Variants in TJP1 observed in about 807,000 individuals in gnomAD.
TJP1 encodes the protein tight junction protein ZO-1.
In TJP1, 43 loss-of-function variants were observed where a neutral mutation model predicts 194.2. That is an observed-to-expected ratio of 0.22 (90% CI 0.17 to 0.29). The LOEUF (loss-of-function observed/expected upper bound fraction) is 0.29. TJP1 is among the 10% of genes least tolerant of loss of function. The pLI, the probability that TJP1 is intolerant of heterozygous loss-of-function variation, is 1.00. For missense variants in TJP1, 1,971 were observed against 2,185.7 expected (o/e 0.90, Z 1.96); for synonymous variants, 801 against 779.0 (o/e 1.03, Z -0.47).
intron 10 of TJP1, 107 bp downstream of exon 10, chr15:29,741,224 A>G: frequency 1.3e-6 from 1 of 744,544 alleles, no homozygotes; most frequent in South Asian, 1.7e-5. Flanking sequence ...ATTAGGTGGT[A>G]TGTACTATTT....
At chr15:29,756,496 C>A (rs2045650536) in intron 8 of TJP1, among the ~76,000 whole-genome samples, 1 of 152,114 alleles carries the variant, frequency 6.6e-6, no homozygotes, top group African/African-American at 2.4e-5. Flanking sequence ...TAAAACTTTA[C>A]AAAAGGAGGA....
chr15:29,820,634 A>C (rs776822123), intron 1 of TJP1: 1 of 713,308 alleles, frequency 1.4e-6, no homozygotes, highest in Non-Finnish European at 2.6e-6. Flanking sequence ...CTTCAGGAAC[A>C]AAGTGACATT....
chr15:29,806,035 A>G (rs2049091156), intron 1 of TJP1, among the ~76,000 whole-genome samples: 1 of 152,340 alleles, frequency 6.6e-6, no homozygotes, highest in African/African-American at 2.4e-5. Context: ...ATATAATGCC[A>G]AGGACTTTAA....
rs771873571 is a variant in TJP1, at chr15:29,761,171, G to A, written c.978C>T (p.Ser326=). 3.1e-5 allele frequency: 50 copies of A among 1,612,694 alleles called. No individual in the cohort carries two copies. The highest frequency in any genetic ancestry group is 9.3e-6 in the Non-Finnish European group (11 of 1,179,548). ...PDQRSEPSDH[S]RHSPQQPSNG... ...TGCTTGGCTGCTGCGGCGAGTGCCT[G>A]GAATGATCAGAAGGCTCTGACCGCT... The change falls in exon 8 of 28, where the codon TCC becomes TCT. Residue 326 remains serine (S), a synonymous_variant. Coordinates refer to ENST00000614355, the MANE Select transcript of TJP1 (RefSeq NM_001330239.4).
At position 29,720,526 on chromosome 15, in the gene TJP1, C is replaced by T. The variant is rs755891562; in HGVS notation, c.2595G>A (p.Glu865=). 5.0e-6 allele frequency: 8 copies of T among 1,614,062 alleles called. No individual in the cohort carries two copies. The South Asian group carries it at 8.8e-5, about 18-fold the overall frequency. The change falls in exon 19 of 28, where the codon GAG becomes GAA. Residue 865 remains glutamate (E), a synonymous_variant. Coordinates refer to ENST00000614355, the MANE Select transcript of TJP1 (RefSeq NM_001330239.4). ...TGGCAGACTCCGGTGGAGTCCCAAC[C>T]TCATCATTAAGAGTTTCATCTAGTT... is the stretch of plus-strand genomic sequence containing the variant. ...DQELDETLND[E]VGTPPESAIT...
chr15:29,761,224 G>A lies in TJP1; in HGVS notation c.925C>T (p.Arg309Cys), dbSNP rs775183311. Residue 309 changes from arginine (R) to cysteine (C), a missense_variant, in exon 8 of 28, where the codon CGC becomes TGC. Coordinates refer to ENST00000614355, the MANE Select transcript of TJP1 (RefSeq NM_001330239.4). The part of the protein sequence containing the change: ...HSGRSHDRPP[R>C]RSRSRSPDQR... ...TCAGGAGATCGTGACCGGCTGCGGC[G>A]GGGAGGCCTATCGTGTGATCGACCA... The A allele has an allele frequency of 2.0e-5, 32 of 1,613,932 alleles. No homozygotes were observed. The highest frequency in any genetic ancestry group is 5.0e-5 in the Admixed American group (3 of 59,996).
chr15:29,927,306 C>G (rs541558108), intron 2 of TJP1, among the ~76,000 whole-genome samples: 1 of 152,006 alleles, frequency 6.6e-6, no homozygotes, highest in Non-Finnish European at 1.5e-5. Flanking sequence ...GGTGACAAAG[C>G]AAGACTCTGC....
intron 2 of TJP1, among the ~76,000 whole-genome samples, chr15:29,954,005 T>C (rs2055851550): frequency 6.6e-6 from 1 of 152,188 alleles, no homozygotes; most frequent in Non-Finnish European, 1.5e-5. Context: ...AACATCAATG[T>C]TAAAATGCCT....
At chr15:29,835,879 T>C (rs2051008154) in intron 2 of TJP1, among the ~76,000 whole-genome samples, 2 of 151,616 alleles carry the variant, frequency 1.3e-5, no homozygotes, top group Non-Finnish European at 2.9e-5. Context: ...GGTAAATAGA[T>C]GGACGGGGAA....
intron 18 of TJP1, 26 bp from the exon 19 acceptor site, chr15:29,720,734 A>G: frequency 6.5e-7 from 1 of 1,535,136 alleles, no homozygotes; most frequent in Non-Finnish European, 8.8e-7. Flanking sequence ...GTAAATTACA[A>G]ATTTTATTCA....
chr15:29,947,074 C>T (rs2055311345), intron 2 of TJP1, among the ~76,000 whole-genome samples: 1 of 152,182 alleles, frequency 6.6e-6, no homozygotes, highest in African/African-American at 2.4e-5. Flanking sequence ...AAACTGAACA[C>T]AATGTGGTCA....
intron 2 of TJP1, among the ~76,000 whole-genome samples, chr15:29,932,657 A>G (rs2054758960): frequency 6.6e-6 from 1 of 152,208 alleles, no homozygotes; most frequent in African/African-American, 2.4e-5. Flanking sequence ...AGCAGAAAAT[A>G]AAAGGTAAAA....
chr15:29,869,565 T>G (rs915517467), intron 2 of TJP1, among the ~76,000 whole-genome samples: 3 of 152,058 alleles, frequency 2.0e-5, no homozygotes, highest in Non-Finnish European at 4.4e-5. Context: ...GAAGAAGTAA[T>G]GCAATCCCAA....
At chr15:29,811,552 T>C (rs2049512693) in intron 1 of TJP1, among the ~76,000 whole-genome samples, 2 of 152,200 alleles carry the variant, frequency 1.3e-5, no homozygotes, top group African/African-American at 4.8e-5. Flanking sequence ...CCATTCACCA[T>C]ACTAGGTAGA....
intron 5 of TJP1, among the ~76,000 whole-genome samples, chr15:29,763,650 C>A (rs568160272): frequency 6.6e-6 from 1 of 151,628 alleles, no homozygotes; most frequent in East Asian, 2.0e-4. Flanking sequence ...ACCTATAATC[C>A]CAGCTACTTG....
chr15:29,917,244 T>C (rs1428690500), intron 2 of TJP1, among the ~76,000 whole-genome samples: 1 of 152,210 alleles, frequency 6.6e-6, no homozygotes. Context: ...ATGTGTACAA[T>C]AAGATAAACT....
chr15:29,706,648 T>G (rs978763178), intron 25 of TJP1, among the ~76,000 whole-genome samples: 1 of 152,158 alleles, frequency 6.6e-6, no homozygotes, highest in Non-Finnish European at 1.5e-5. Context: ...ATTTAATTGG[T>G]AGCCCTGTTC....
At chr15:29,827,884 A>G (rs2050723735) in intron 2 of TJP1, among the ~76,000 whole-genome samples, 1 of 152,170 alleles carries the variant, frequency 6.6e-6, no homozygotes, top group Non-Finnish European at 1.5e-5. Flanking sequence ...AAGCTTCTCA[A>G]GAGTCGTCTG....
At chr15:29,745,507 C>T (rs2058073091) in intron 8 of TJP1, among the ~76,000 whole-genome samples, 3 of 152,014 alleles carry the variant, frequency 2.0e-5, no homozygotes, top group Non-Finnish European at 2.9e-5. Flanking sequence ...GATAGAAATT[C>T]GGAAGCCATA....
Sources: allele counts gnomAD v4.1 joint callset (sites outside exome capture counted in the v4.1 genomes callset), GRCh38; gene constraint gnomAD v4.1.1; transcripts MANE v1.5; gene names NCBI Gene and HGNC (gene_info 2026-07-23, HGNC 2026-07-21).